Variants in CCN5 observed in about 807,000 individuals in gnomAD.
CCN5 encodes CCN family member 5.
In CCN5, 17 loss-of-function variants were observed where a neutral mutation model predicts 18.7. That is an observed-to-expected ratio of 0.91 (90% CI 0.62 to 1.36). The LOEUF (loss-of-function observed/expected upper bound fraction) is 1.36, where lower values mean the gene tolerates loss of function less well. CCN5 is among the 40% of genes most tolerant of loss of function. The pLI, the probability that CCN5 is intolerant of heterozygous loss-of-function variation, is 0.00. For synonymous variants in CCN5, 135 were observed against 145.2 expected, an observed-to-expected ratio of 0.93 and a Z score of 0.50; for missense variants, 367 against 342.9, an observed-to-expected ratio of 1.07 and a Z score of -0.56.
intron 2 of CCN5, among the ~76,000 whole-genome samples, chr20:44,723,024 T>C (rs2145417500): frequency 6.6e-6 from 1 of 152,150 alleles, no homozygotes; most frequent in African/African-American, 2.4e-5. Context: ...TTCTGGTGGC[T>C]TCCCATCTCA....
Position 44,724,894 on chromosome 20 carries a change from G to C in CCN5, c.434G>C (p.Cys145Ser). 12 of 1,593,710 alleles carry C rather than the reference G, an allele frequency of 7.5e-6. No homozygotes were observed. The highest frequency in any genetic ancestry group is 1.8e-4 in the Middle Eastern group (1 of 5,610). ...SEDVRLPSWD[C>S]PHPRRVEVLG... ...GATGTGCGGCTGCCCAGCTGGGACTGCCCCCACCCCAGGAGGGTCGAGGTC... is the reference window on the plus strand; with the variant it reads ...GATGTGCGGCTGCCCAGCTGGGACTCCCCCCACCCCAGGAGGGTCGAGGTC... The change falls in exon 3 of 4, where the codon TGC becomes TCC. Residue 145 changes from cysteine to serine, a missense_variant. Cys to Ser is a moderately radical substitution (Grantham distance 112, BLOSUM62 -1). Coordinates refer to ENST00000190983, the MANE Select transcript of CCN5 (RefSeq NM_003881.4).
chr20:44,725,080 G>A lies in CCN5; in HGVS notation c.532+88G>A, dbSNP rs1179550571. On this transcript the variant is annotated intron_variant, in intron 3 of 3. Transcript: ENST00000190983. ...GGGTGGGGTGGGGGGCGGCTTCCTG[G>A]GTACCAGGACCCAGGGACACATCAG... The A allele has an allele frequency of 7.0e-6, 10 of 1,428,360 alleles. No individual in the cohort carries two copies. In the African/African-American group the frequency reaches 8.6e-5, roughly 12 times the overall value. 88.5% of individuals were successfully genotyped at this position (1,428,360 alleles called of 1,614,324 possible).
intron 2 of CCN5, chr20:44,721,001 G>C (rs1394287454): frequency 1.3e-5 from 2 of 152,144 alleles, no homozygotes; most frequent in South Asian, 4.1e-4. Context: ...TCCCCAGGGG[G>C]CAAAATCTCC....
At chr20:44,719,577 C>T (rs565991970) in intron 1 of CCN5, among the ~76,000 whole-genome samples, 1 of 152,268 alleles carries the variant, frequency 6.6e-6, no homozygotes, top group South Asian at 2.1e-4. Context: ...TCGCTTGAAC[C>T]CAGGAGGTGG....
chr20:44,720,162 A>C, intron 2 of CCN5, 49 bp downstream of exon 2: 1 of 1,523,078 alleles, frequency 6.6e-7, no homozygotes, highest in Non-Finnish European at 8.8e-7. Flanking sequence ...GCGGGAGGTC[A>C]AGGCCGTGGT....
At chr20:44,724,097 G>A (rs1203424928) in intron 2 of CCN5, 2 of 152,220 alleles carry the variant, frequency 1.3e-5, no homozygotes, top group African/African-American at 4.8e-5. Context: ...TAGAGGGTAC[G>A]GACATGTCAT....
At chr20:44,719,334 C>T (rs1239388169) in intron 1 of CCN5, among the ~76,000 whole-genome samples, 3 of 152,226 alleles carry the variant, frequency 2.0e-5, no homozygotes, top group African/African-American at 7.2e-5. Context: ...TCCTCAAGGT[C>T]ACTCAGCTAA....
chr20:44,720,152 G>C (rs1027091521), intron 2 of CCN5, 39 bp downstream of exon 2: 5 of 1,532,070 alleles, frequency 3.3e-6, no homozygotes, highest in Non-Finnish European at 4.4e-6. Context: ...GCGGGTGTGA[G>C]CGGGAGGTCA....
intron 1 of CCN5, among the ~76,000 whole-genome samples, chr20:44,718,036 T>C (rs1265982673): frequency 6.6e-6 from 1 of 152,162 alleles, no homozygotes; most frequent in Non-Finnish European, 1.5e-5. Flanking sequence ...GACCACACCT[T>C]GAGGGGCGAG....
intron 3 of CCN5, 40 bp from the exon 4 acceptor site, chr20:44,727,047 C>T (rs754471086): frequency 2.7e-6 from 4 of 1,493,182 alleles, no homozygotes; most frequent in South Asian, 1.4e-5. Flanking sequence ...GCTGCTGAGC[C>T]CTGGCTGCTC....
rs369788751 is a variant in CCN5, at chr20:44,725,023, G to T, written c.532+31G>T. The T allele has an allele frequency of 6.6e-4, 987 of 1,500,864 alleles. 1 individual carries two copies. The highest frequency in any genetic ancestry group is 8.5e-4 in the Non-Finnish European group (955 of 1,128,394). The allele number at this position is 1,500,864 out of a possible 1,614,324, so 93.0% of individuals were successfully genotyped here. ...CGCAGCGGTGGTCCAGGTCAGGGCA[G>T]GACTGCCTGGGGGCGCCAAGGGCCA... On this transcript the variant is annotated intron_variant, in intron 3 of 3. Transcript: ENST00000190983.
chr20:44,723,419 C>T (rs1439402653), intron 2 of CCN5, among the ~76,000 whole-genome samples: 2 of 151,830 alleles, frequency 1.3e-5, no homozygotes, highest in Admixed American at 6.5e-5. Flanking sequence ...CCCTGTGAGC[C>T]GGGTACCAAG....
chr20:44,720,029 G>A lies in CCN5; in HGVS notation c.193G>A (p.Asp65Asn), dbSNP rs750003959. 45 of 1,604,778 alleles carry A rather than the reference G, an allele frequency of 2.8e-5. No homozygotes were observed. Among genetic ancestry groups the A allele is most frequent in the South Asian group, 1.8e-4 (16 of 90,438 alleles). Residue 65 changes from aspartate to asparagine, a missense_variant, in exon 2 of 4, where the codon GAC becomes AAC. Asp to Asn is a conservative substitution (Grantham distance 23). Transcript: ENST00000190983. The stretch of plus-strand genomic sequence containing the variant: ...TGCACGGCGGCTGGGGGAGCCCTGC[G>A]ACCAACTCCACGTCTGCGACGCCAG... ...VCARRLGEPC[D>N]QLHVCDASQG...
intron 1 of CCN5, among the ~76,000 whole-genome samples, chr20:44,719,268 C>A (rs1482750583): frequency 6.6e-6 from 1 of 152,180 alleles, no homozygotes; most frequent in African/African-American, 2.4e-5. Flanking sequence ...CTCCTCAGAG[C>A]AATCCTCTGA....
intron 3 of CCN5, among the ~76,000 whole-genome samples, chr20:44,725,529 A>G (rs2065930626): frequency 6.6e-6 from 1 of 152,106 alleles, no homozygotes; most frequent in Admixed American, 6.5e-5. Flanking sequence ...TGAGATGTGT[A>G]ATTTAAAACC....
At chr20:44,715,927 C>A (rs1172086498) in intron 1 of CCN5, among the ~76,000 whole-genome samples, 1 of 152,196 alleles carries the variant, frequency 6.6e-6, no homozygotes, top group Non-Finnish European at 1.5e-5. Context: ...GTGACCCGCC[C>A]GCCCTAGCTA....
chr20:44,720,146 G>A lies in CCN5; in HGVS notation c.277+33G>A, dbSNP rs537217442. 4 of 1,533,800 alleles carry A rather than the reference G, an allele frequency of 2.6e-6. No individual in the cohort carries two copies. In the African/African-American group the frequency reaches 4.1e-5, roughly 16 times the overall value. On this transcript the variant is annotated intron_variant, in intron 2 of 3. Transcript: ENST00000190983. The stretch of plus-strand genomic sequence containing the variant: ...GGTTTGCAGGACTGAGTGGGGGCGG[G>A]TGTGAGCGGGAGGTCAAGGCCGTGG...
Position 44,727,507 on chromosome 20 carries a change from C to T in CCN5, c.*200C>T, listed in dbSNP as rs2065945368. 1 of 1,409,070 alleles carries T rather than the reference C, an allele frequency of 7.1e-7. No homozygotes were observed. The allele number at this position is 1,409,070 out of a possible 1,614,324, so 87.3% of individuals were successfully genotyped here. A position where few individuals can be genotyped will look rare whatever the true frequency, so the allele number is the denominator to read the frequency against. On this transcript the variant is annotated 3_prime_UTR_variant, in exon 4 of 4. Coordinates refer to ENST00000190983, the MANE Select transcript of CCN5 (RefSeq NM_003881.4). ...CCCGAGGTATGGCAGAGGTGCAAGA[C>T]CTAGTCCCCTTTCCTCTAACTCACT...
At chr20:44,722,498 C>T (rs2145416841) in intron 2 of CCN5, among the ~76,000 whole-genome samples, 1 of 135,726 alleles carries the variant, frequency 7.4e-6, no homozygotes, top group South Asian at 2.4e-4. Flanking sequence ...GATGGAGTCT[C>T]ACTCTTTCAC....
Sources: gnomAD v4.1 joint callset for allele counts (sites outside exome capture counted in the v4.1 genomes callset) on GRCh38, gnomAD v4.1.1 for gene constraint, MANE v1.5 for transcripts, NCBI Gene and HGNC (gene_info 2026-07-23, HGNC 2026-07-21) for gene names.